Variants in ELF1 observed in about 807,000 individuals in gnomAD.
ELF1 encodes the protein E74 like ETS transcription factor 1, also known as ETS-related transcription factor Elf-1.
A neutral mutation model predicts 59.9 loss-of-function variants in ELF1; 24 were observed. That is an observed-to-expected ratio of 0.40 (90% confidence interval 0.29 to 0.56). The LOEUF (loss-of-function observed/expected upper bound fraction) is 0.56. ELF1 is among the 20% of genes least tolerant of loss of function. The pLI is 0.44. For missense variants in ELF1, 627 were observed against 742.2 expected (o/e 0.84, Z 1.80); for synonymous variants, 248 against 266.2 (o/e 0.93, Z 0.67).
chr13:40,951,590 T>C (rs1870854601), intron 3 of ELF1, 154 bp from the exon 4 acceptor site: 3 of 471,020 alleles, frequency 6.4e-6, no homozygotes, highest in Middle Eastern at 1.2e-3. Context: ...ATACCAAACC[T>C]GGCTGGCGCA....
chr13:41,034,042 A>G (rs1170412175), intron 1 of ELF1, among the ~76,000 whole-genome samples: 2 of 152,194 alleles, frequency 1.3e-5, no homozygotes, highest in Non-Finnish European at 2.9e-5. Context: ...CAACTTTATG[A>G]TAATTTGAAA....
chr13:40,999,410 C>T (rs894299167), intron 1 of ELF1, among the ~76,000 whole-genome samples: 1 of 151,942 alleles, frequency 6.6e-6, no homozygotes, highest in East Asian at 1.9e-4. Context: ...ACGTGAATGC[C>T]GACACAAAAG....
At chr13:40,966,653 A>G (rs1872191679) in intron 2 of ELF1, among the ~76,000 whole-genome samples, 1 of 152,220 alleles carries the variant, frequency 6.6e-6, no homozygotes, top group Non-Finnish European at 1.5e-5. Context: ...AACTTCATTA[A>G]TAATTTTGTT....
chr13:40,996,075 C>A (rs1199868999), intron 1 of ELF1, among the ~76,000 whole-genome samples: 16 of 152,306 alleles, frequency 1.1e-4, no homozygotes, highest in African/African-American at 3.8e-4. Flanking sequence ...AGAAGCCCCA[C>A]ACCATATGTC....
chr13:40,964,240 T>C (rs1486755666), intron 2 of ELF1, among the ~76,000 whole-genome samples: 1 of 152,254 alleles, frequency 6.6e-6, no homozygotes, highest in Admixed American at 6.5e-5. Flanking sequence ...TGAATTTTCC[T>C]AGGTTTAGAT....
chr13:41,016,981 T>TATAA (rs71086532), intron 1 of ELF1, among the ~76,000 whole-genome samples: 1 of 95,646 alleles, frequency 1.0e-5, no homozygotes, highest in East Asian at 3.1e-4. Flanking sequence ...TATATATATA[T>TATAA]GAGCTAAAAC....
At chr13:40,983,608 AG>A (rs769113956) in intron 1 of ELF1, among the ~76,000 whole-genome samples, 1 of 152,174 alleles carries the variant, frequency 6.6e-6, no homozygotes, top group Non-Finnish European at 1.5e-5. Context: ...CCCTTTTAAC[AG>A]GAAGTTTAAC....
chr13:40,932,681 T>C lies in ELF1; in HGVS notation c.*744A>G, dbSNP rs1415555945. On this transcript the variant is annotated 3_prime_UTR_variant, in exon 9 of 9. Coordinates refer to ENST00000239882, the MANE Select transcript of ELF1 (RefSeq NM_172373.4). ...CTGATAATGATTTAATTGACATAACTTGAAAATATAGGTATTAGAATTAAA... is the reference window on the plus strand; with the variant it reads ...CTGATAATGATTTAATTGACATAACCTGAAAATATAGGTATTAGAATTAAA... 1 of 152,170 alleles carries C rather than the reference T, an allele frequency of 6.6e-6. No homozygotes were observed. The highest frequency in any genetic ancestry group is 2.4e-5 in the African/African-American group (1 of 41,450). The allele number at this position is 152,170 out of a possible 1,614,324, so 9.4% of individuals were successfully genotyped here. A position where few individuals can be genotyped will look rare whatever the true frequency, so the allele number is the denominator to read the frequency against.
At chr13:40,987,207 A>G (rs1367986091) in intron 1 of ELF1, among the ~76,000 whole-genome samples, 3 of 148,422 alleles carry the variant, frequency 2.0e-5, no homozygotes, top group Non-Finnish European at 3.0e-5. Context: ...AAATGCTGGG[A>G]TTACAGGCGT....
At chr13:41,032,430 C>T (rs1483024456) in intron 1 of ELF1, among the ~76,000 whole-genome samples, 3 of 151,974 alleles carry the variant, frequency 2.0e-5, no homozygotes, top group Non-Finnish European at 2.9e-5. Flanking sequence ...GTTGGCCAGG[C>T]TGGTCTTGAA....
intron 1 of ELF1, among the ~76,000 whole-genome samples, chr13:40,985,372 CATTTTTAATT>C (rs1566180707): frequency 6.6e-6 from 1 of 152,080 alleles, no homozygotes; most frequent in Non-Finnish European, 1.5e-5. Context: ...TCAATGATTC[CATTTTTAATT>C]AGTAAATTGG....
chr13:41,005,450 CAA>C (rs11383900), intron 1 of ELF1, among the ~76,000 whole-genome samples: 5 of 54,988 alleles, frequency 9.1e-5, no homozygotes, highest in African/African-American at 1.5e-4. Context: ...TATACCTATC[CAA>C]AAAAAAAAAA....
At chr13:40,944,027 G>A (rs1870352787) in intron 5 of ELF1, 102 bp from the exon 6 acceptor site, 3 of 1,061,210 alleles carry the variant, frequency 2.8e-6, no homozygotes, top group African/African-American at 3.2e-5. Context: ...AGTGCCAAAT[G>A]TTTTTATACA....
chr13:40,979,181 C>T (rs1873106760), intron 2 of ELF1, among the ~76,000 whole-genome samples: 1 of 148,340 alleles, frequency 6.7e-6, no homozygotes, highest in Admixed American at 6.9e-5. Flanking sequence ...TTTTAATAAC[C>T]CTACAGATAT....
chr13:41,050,876 C>G (rs1211993072), intron 1 of ELF1, among the ~76,000 whole-genome samples: 13 of 152,176 alleles, frequency 8.5e-5, no homozygotes, highest in Admixed American at 8.5e-4. Flanking sequence ...AAAGTGCCAT[C>G]CTGTTTTCCA....
chr13:41,048,050 G>A (rs572256747), intron 1 of ELF1, among the ~76,000 whole-genome samples: 38 of 152,324 alleles, frequency 2.5e-4, no homozygotes, highest in South Asian at 1.2e-3. Context: ...ATGAGCGAGG[G>A]TCTGTGGGCA....
intron 3 of ELF1, among the ~76,000 whole-genome samples, chr13:40,955,218 C>T (rs1321630391): frequency 6.7e-6 from 1 of 149,002 alleles, no homozygotes. Context: ...CCGGCAGCCA[C>T]TCCGTCTGGG....
At chr13:40,936,215 T>C (rs1034865321) in intron 8 of ELF1, among the ~76,000 whole-genome samples, 3 of 152,252 alleles carry the variant, frequency 2.0e-5, no homozygotes, top group African/African-American at 7.2e-5. Flanking sequence ...TGTGCCGCCT[T>C]ACCATTACAA....
chr13:41,012,266 T>A (rs1875106302), intron 1 of ELF1, among the ~76,000 whole-genome samples: 2 of 138,338 alleles, frequency 1.4e-5, no homozygotes, highest in African/African-American at 5.5e-5. Context: ...AGAGCCGAGA[T>A]TGTGCCACTC....
Sources: gnomAD v4.1 joint callset for allele counts (sites outside exome capture counted in the v4.1 genomes callset) on GRCh38, gnomAD v4.1.1 for gene constraint, MANE v1.5 for transcripts, NCBI Gene and HGNC (gene_info 2026-07-23, HGNC 2026-07-21) for gene names.